GRID2: variants seen among roughly 807,000 people sequenced by gnomAD.
The protein encoded by GRID2 is glutamate ionotropic receptor delta type subunit 2, also known as glutamate receptor ionotropic, delta-2.
Under a neutral mutation model 114.8 loss-of-function variants are expected in GRID2, and 33 were observed. The observed-to-expected ratio is 0.29, with a 90% CI of 0.22 to 0.38. The LOEUF (loss-of-function observed/expected upper bound fraction) is 0.38, where lower values mean the gene tolerates loss of function less well. Ranked by LOEUF, GRID2 falls within the 10% of genes least tolerant of loss-of-function variation. The pLI is 1.00. For missense variants in GRID2, 1,184 were observed against 1,257.7 expected (o/e 0.94, Z 0.89); for synonymous variants, 505 against 449.9 (o/e 1.12, Z -1.55).
At chr4:92,571,542 A>T (rs1235007039) in intron 1 of GRID2, among the ~76,000 whole-genome samples, 2 of 152,200 alleles carry the variant, frequency 1.3e-5, no homozygotes, top group African/African-American at 2.4e-5. Context: ...CCTAATAGAC[A>T]TCTACAGAAC....
At chr4:92,610,554 C>T (rs929920665) in intron 2 of GRID2, among the ~76,000 whole-genome samples, 1 of 151,610 alleles carries the variant, frequency 6.6e-6, no homozygotes, top group Non-Finnish European at 1.5e-5. Context: ...TCCCTTCCCC[C>T]TCCTTTTCCA....
At chr4:92,681,058 C>T (rs1733625621) in intron 2 of GRID2, among the ~76,000 whole-genome samples, 1 of 151,718 alleles carries the variant, frequency 6.6e-6, no homozygotes, top group Non-Finnish European at 1.5e-5. Context: ...TGGAAACAAT[C>T]CAGGAGAGAA....
intron 1 of GRID2, among the ~76,000 whole-genome samples, chr4:92,427,851 T>C (rs564563863): frequency 1.3e-5 from 2 of 152,280 alleles, no homozygotes; most frequent in South Asian, 2.1e-4. Flanking sequence ...AATTGAAAAA[T>C]AGAAAATATT....
At chr4:93,755,950 A>G (rs1458270941) in intron 14 of GRID2, among the ~76,000 whole-genome samples, 1 of 152,178 alleles carries the variant, frequency 6.6e-6, no homozygotes, top group African/African-American at 2.4e-5. Context: ...AAGTTAATGA[A>G]AGCTTGTATA....
intron 11 of GRID2, among the ~76,000 whole-genome samples, chr4:93,486,361 A>G (rs1289872267): frequency 6.6e-6 from 1 of 151,510 alleles, no homozygotes; most frequent in East Asian, 1.9e-4. Flanking sequence ...TTCTTGGACT[A>G]CAGAGTCTAG....
intron 14 of GRID2, among the ~76,000 whole-genome samples, chr4:93,747,300 T>C (rs1404063414): frequency 6.6e-6 from 1 of 152,158 alleles, no homozygotes; most frequent in African/African-American, 2.4e-5. Context: ...CATTTATCTC[T>C]GCTGATCCCT....
rs564137404 is a variant in GRID2 at position 93,587,914 on chromosome 4, G to T, written c.2194-38355G>T. Among the ~76,000 whole-genome samples the T allele has an allele frequency of 1.4e-4, 21 of 152,138 alleles. 2 individuals carry two copies. Among genetic ancestry groups the T allele is most frequent in the African/African-American group, 4.6e-4 (19 of 41,530 alleles). On this transcript the variant is annotated intron_variant, in intron 13 of 15. Coordinates refer to ENST00000282020, the MANE Select transcript of GRID2 (RefSeq NM_001510.4). ...AACATTTTGCATATTATTAAAAGCGGTTATCAGATAATCATTCTTTCTGCA... is the reference window on the plus strand; with the variant it reads ...AACATTTTGCATATTATTAAAAGCGTTTATCAGATAATCATTCTTTCTGCA...
At chr4:93,707,430 A>G (rs1308416044) in intron 14 of GRID2, among the ~76,000 whole-genome samples, 1 of 152,034 alleles carries the variant, frequency 6.6e-6, no homozygotes, top group Non-Finnish European at 1.5e-5. Context: ...CAACCTTGGT[A>G]GGTTATATGT....
chr4:93,143,238 G>A (rs1300955713), intron 4 of GRID2, among the ~76,000 whole-genome samples: 1 of 152,118 alleles, frequency 6.6e-6, no homozygotes, highest in Non-Finnish European at 1.5e-5. Context: ...GTTGAAACAG[G>A]ACTTAAGGAC....
At chr4:93,723,619 A>G (rs866423741) in intron 14 of GRID2, among the ~76,000 whole-genome samples, 1 of 152,206 alleles carries the variant, frequency 6.6e-6, no homozygotes, top group Non-Finnish European at 1.5e-5. Flanking sequence ...TAATTTTTCA[A>G]TGGCTTTTAT....
chr4:93,419,911 A>G (rs994305661), intron 9 of GRID2, among the ~76,000 whole-genome samples: 1 of 152,170 alleles, frequency 6.6e-6, no homozygotes, highest in African/African-American at 2.4e-5. Flanking sequence ...AGCAACATAT[A>G]CATTGGGACA....
At chr4:93,494,247 C>A (rs1359585239) in intron 12 of GRID2, among the ~76,000 whole-genome samples, 1 of 151,754 alleles carries the variant, frequency 6.6e-6, no homozygotes, top group Non-Finnish European at 1.5e-5. Flanking sequence ...GTACTATTTC[C>A]AGCCCAATTT....
intron 2 of GRID2, among the ~76,000 whole-genome samples, chr4:92,873,166 T>C (rs190319893): frequency 2.2e-4 from 34 of 152,322 alleles, no homozygotes; most frequent in African/African-American, 6.3e-4. Context: ...TATCATGAAA[T>C]ATATTTATTA....
chr4:93,351,455 T>C (rs978394667), intron 8 of GRID2, among the ~76,000 whole-genome samples: 14 of 152,074 alleles, frequency 9.2e-5, no homozygotes, highest in African/African-American at 3.4e-4. Context: ...TTCACAAGTG[T>C]CTGATATATA....
intron 2 of GRID2, among the ~76,000 whole-genome samples, chr4:92,936,199 G>T (rs1750661979): frequency 6.8e-6 from 1 of 146,030 alleles, no homozygotes; most frequent in African/African-American, 2.4e-5. Flanking sequence ...CTTCACAAAC[G>T]AATCATTATG....
intron 2 of GRID2, among the ~76,000 whole-genome samples, chr4:92,707,745 A>T (rs1340827037): frequency 6.6e-6 from 1 of 152,206 alleles, no homozygotes. Context: ...ATAAAATACC[A>T]TTTTAAACAA....
intron 1 of GRID2, among the ~76,000 whole-genome samples, chr4:92,357,938 T>C (rs1335387138): frequency 1.3e-5 from 2 of 151,950 alleles, no homozygotes; most frequent in African/African-American, 4.8e-5. Context: ...CATTACACAG[T>C]TATAGACAAA....
chr4:92,497,035 T>G (rs1292742262), intron 1 of GRID2, among the ~76,000 whole-genome samples: 2 of 151,788 alleles, frequency 1.3e-5, no homozygotes, highest in African/African-American at 4.8e-5. Flanking sequence ...AAGAAAGTCA[T>G]AAATCTTTCT....
chr4:93,483,606 T>C (rs981984227), intron 11 of GRID2, among the ~76,000 whole-genome samples: 2 of 151,972 alleles, frequency 1.3e-5, no homozygotes, highest in Non-Finnish European at 2.9e-5. Context: ...CAGATGGATT[T>C]ATCAAATTTC....
Sources: allele counts gnomAD v4.1 joint callset (sites outside exome capture counted in the v4.1 genomes callset), GRCh38; gene constraint gnomAD v4.1.1; transcripts MANE v1.5; gene names NCBI Gene and HGNC (gene_info 2026-07-23, HGNC 2026-07-21).